NKAIN2: variants seen among roughly 807,000 people sequenced by gnomAD.
NKAIN2 encodes sodium/potassium-transporting ATPase subunit beta-1-interacting protein 2.
Under a neutral mutation model 32.6 loss-of-function variants are expected in NKAIN2, and 14 were observed. That is an observed-to-expected ratio of 0.43 (90% confidence interval 0.28 to 0.67). NKAIN2 has a LOEUF of 0.67. NKAIN2 is among the 30% of genes least tolerant of loss of function. The probability of loss-of-function intolerance (pLI) is 0.17; values close to 1 mark genes in which losing one functional copy is unlikely to be tolerated. For missense variants in NKAIN2, 198 were observed against 258.3 expected (o/e 0.77, Z 1.60); for synonymous variants, 80 against 87.2 (o/e 0.92, Z 0.46).
At chr6:123,929,915 T>C (rs1776177831) in intron 1 of NKAIN2, among the ~76,000 whole-genome samples, 1 of 152,106 alleles carries the variant, frequency 6.6e-6, no homozygotes, top group African/African-American at 2.4e-5. Flanking sequence ...AATTCAGATT[T>C]TGGAGCATTT....
chr6:123,817,654 G>A (rs550098972), intron 1 of NKAIN2, among the ~76,000 whole-genome samples: 7 of 152,198 alleles, frequency 4.6e-5, no homozygotes, highest in South Asian at 2.1e-4. Flanking sequence ...CTATGAAAAC[G>A]GAATCTTCAG....
At chr6:124,047,998 A>G (rs1371005559) in intron 1 of NKAIN2, among the ~76,000 whole-genome samples, 1 of 151,982 alleles carries the variant, frequency 6.6e-6, no homozygotes, top group Non-Finnish European at 1.5e-5. Flanking sequence ...GAACACTCTC[A>G]GATGTGAACA....
At chr6:124,276,907 G>C (rs1795064200) in intron 1 of NKAIN2, among the ~76,000 whole-genome samples, 1 of 152,176 alleles carries the variant, frequency 6.6e-6, no homozygotes, top group Admixed American at 6.5e-5. Flanking sequence ...ATGAGCTCTA[G>C]TGTGGCAACA....
rs777980067 is a variant in NKAIN2 at position 123,921,931 on chromosome 6, C to CA, written c.54+117690dup. ...GGGCAACAGAGTGAGACTCTGTCTC[C>CA]AAAAAAAAAAAAATGCCTAATGTTG... On this transcript the variant is annotated intron_variant, in intron 1 of 6. Transcript: ENST00000368417. Among the ~76,000 whole-genome samples the CA allele has an allele frequency of 6.8e-3, 877 of 128,452 alleles. 2 individuals carry two copies. The highest frequency in any genetic ancestry group is 0.019 in the African/African-American group (649 of 34,958). The allele number at this position is 128,452 out of a possible 152,430, so 84.3% of individuals were successfully genotyped here. A position where few individuals can be genotyped will look rare whatever the true frequency, so the allele number is the denominator to read the frequency against.
intron 1 of NKAIN2, among the ~76,000 whole-genome samples, chr6:124,202,857 A>T (rs1389730965): frequency 2.0e-5 from 3 of 151,996 alleles, no homozygotes; most frequent in East Asian, 3.9e-4. Flanking sequence ...TGGCCAAGTC[A>T]TAGAAAGAAA....
chr6:124,508,029 G>C (rs1198390094), intron 3 of NKAIN2, among the ~76,000 whole-genome samples: 1 of 151,674 alleles, frequency 6.6e-6, no homozygotes, highest in Non-Finnish European at 1.5e-5. Flanking sequence ...AAGGCAGAAG[G>C]ATCACTTGAG....
chr6:124,140,420 A>C (rs1787075902), intron 1 of NKAIN2, among the ~76,000 whole-genome samples: 1 of 152,200 alleles, frequency 6.6e-6, no homozygotes, highest in Non-Finnish European at 1.5e-5. Context: ...TAGAGGTAAA[A>C]ACATTAGAAA....
chr6:123,876,671 T>C (rs904459564), intron 1 of NKAIN2, among the ~76,000 whole-genome samples: 1 of 152,146 alleles, frequency 6.6e-6, no homozygotes, highest in African/African-American at 2.4e-5. Context: ...TACTTTCAGC[T>C]CAAGCAGTCA....
At chr6:124,538,105 T>C (rs768354688) in intron 3 of NKAIN2, among the ~76,000 whole-genome samples, 4 of 152,148 alleles carry the variant, frequency 2.6e-5, no homozygotes, top group Non-Finnish European at 4.4e-5. Flanking sequence ...GTTTATTCAA[T>C]ACATTCAGTT....
At chr6:124,815,368 T>C (rs190066398) in intron 5 of NKAIN2, among the ~76,000 whole-genome samples, 2 of 151,510 alleles carry the variant, frequency 1.3e-5, no homozygotes, top group Admixed American at 1.3e-4. Context: ...CTGCCTCTGG[T>C]GTTCAAGCAA....
chr6:124,622,967 G>T (rs147795570), intron 3 of NKAIN2, among the ~76,000 whole-genome samples: 1 of 152,222 alleles, frequency 6.6e-6, no homozygotes, highest in South Asian at 2.1e-4. Flanking sequence ...AAACAGGAAT[G>T]CCTGTACTCA....
At chr6:124,716,175 G>T (rs1583708093) in intron 4 of NKAIN2, among the ~76,000 whole-genome samples, 1 of 152,260 alleles carries the variant, frequency 6.6e-6, no homozygotes, top group Middle Eastern at 3.4e-3. Context: ...TTGTGACCAG[G>T]GTTCAAGGTT....
intron 1 of NKAIN2, among the ~76,000 whole-genome samples, chr6:123,991,816 C>T (rs930612665): frequency 1.3e-5 from 2 of 151,914 alleles, no homozygotes; most frequent in Admixed American, 6.6e-5. Flanking sequence ...GAGCTGAGAT[C>T]GCACCACTGC....
At position 124,606,260 on chromosome 6, in the gene NKAIN2, A is replaced by G. The variant is rs535281123; in HGVS notation, c.274-51926A>G. On this transcript the variant is annotated intron_variant, in intron 3 of 6. Coordinates refer to ENST00000368417, the MANE Select transcript of NKAIN2 (RefSeq NM_001040214.3). ...AAAAAAAAATAGCATCCCAGGGCTG[A>G]CTTTTCTCAGGAGACTTCTCCTTTT... Among the ~76,000 whole-genome samples, 3 of 152,028 alleles carry G rather than the reference A, an allele frequency of 2.0e-5. No individual in the cohort carries two copies. In the South Asian group the frequency reaches 6.2e-4, roughly 32 times the overall value.
At chr6:124,068,887 GGT>G (rs1303297985) in intron 1 of NKAIN2, among the ~76,000 whole-genome samples, 2 of 152,022 alleles carry the variant, frequency 1.3e-5, no homozygotes, top group African/African-American at 2.4e-5. Flanking sequence ...AGGAGTGGAT[GGT>G]AGACTCTCGA....
chr6:123,810,351 T>C lies in NKAIN2; in HGVS notation c.54+6097T>C, dbSNP rs529931905. Reference sequence around the variant, plus strand: ...TTAAAGAAAGTAAGTACCTACCTACTAATTCCTTAGTGACCCATTAGTCAA... The same window carrying C: ...TTAAAGAAAGTAAGTACCTACCTACCAATTCCTTAGTGACCCATTAGTCAA... On this transcript the variant is annotated intron_variant, in intron 1 of 6. Transcript: ENST00000368417. 2.6e-5 allele frequency among the ~76,000 whole-genome samples: 4 copies of C among 152,310 alleles called. No individual in the cohort carries two copies. In the East Asian group the frequency reaches 7.7e-4, roughly 29 times the overall value.
At position 124,188,437 on chromosome 6, in the gene NKAIN2, A is replaced by G. The variant is rs185874288; in HGVS notation, c.55-94568A>G. Among the ~76,000 whole-genome samples the G allele has an allele frequency of 2.7e-3, 417 of 152,332 alleles. 2 individuals are homozygous for G. The highest frequency in any genetic ancestry group is 9.6e-3 in the African/African-American group (398 of 41,566). ...TAAATTAAGCTCATCCAGATTATGT[A>G]AAATAATCTCTTTTACTCAAAGTTA... is the stretch of plus-strand genomic sequence containing the variant. On this transcript the variant is annotated intron_variant, in intron 1 of 6. Transcript: ENST00000368417.
chr6:124,641,644 T>C (rs2114358030), intron 3 of NKAIN2, among the ~76,000 whole-genome samples: 1 of 141,654 alleles, frequency 7.1e-6, no homozygotes, highest in East Asian at 2.4e-4. Flanking sequence ...CTCCGCCTCC[T>C]GGGCTAAAGC....
chr6:124,154,765 A>G (rs923490499), intron 1 of NKAIN2, among the ~76,000 whole-genome samples: 30 of 152,000 alleles, frequency 2.0e-4, no homozygotes, highest in African/African-American at 7.0e-4. Context: ...CTTCTTGGAA[A>G]TCATATTCTT....
Sources: allele counts gnomAD v4.1 joint callset (sites outside exome capture counted in the v4.1 genomes callset), GRCh38; gene constraint gnomAD v4.1.1; transcripts MANE v1.5; gene names NCBI Gene and HGNC (gene_info 2026-07-23, HGNC 2026-07-21).